Variants in AAMDC observed in about 807,000 individuals in gnomAD.
AAMDC encodes the protein mth938 domain-containing protein.
In AAMDC, 16 loss-of-function variants were observed where a neutral mutation model predicts 15.5. The ratio of observed to expected loss-of-function variants is 1.03; its 90% confidence interval spans 0.70 to 1.57. AAMDC has a LOEUF of 1.57. AAMDC is among the 40% of genes most tolerant of loss of function. The pLI, the probability that AAMDC is intolerant of heterozygous loss-of-function variation, is 0.00. For missense variants in AAMDC, 141 were observed against 144.9 expected (o/e 0.97, Z 0.14); for synonymous variants, 51 against 51.6 (o/e 0.99, Z 0.05).
intron 5 of AAMDC, among the ~76,000 whole-genome samples, chr11:77,894,841 T>C (rs866352956): frequency 3.0e-4 from 46 of 152,356 alleles, no homozygotes; most frequent in Middle Eastern, 6.8e-3. Context: ...CTGCACTCAA[T>C]GAAGCCTACA....
At chr11:77,895,642 GGAGT>G (rs1240674971) in intron 5 of AAMDC, among the ~76,000 whole-genome samples, 2 of 151,116 alleles carry the variant, frequency 1.3e-5, no homozygotes, top group Non-Finnish European at 2.9e-5. Context: ...AACACCACAA[GGAGT>G]GAGAGGGCTA....
chr11:77,834,441 G>GTTTTT lies in AAMDC; in HGVS notation c.-18-8021_-18-8017dup, dbSNP rs11438814. Among the ~76,000 whole-genome samples, 101 of 105,472 alleles carry GTTTTT rather than the reference G, an allele frequency of 9.6e-4. 1 individual carries two copies. Among genetic ancestry groups the GTTTTT allele is most frequent in the Non-Finnish European group, 1.2e-3 (63 of 53,882 alleles). 69.2% of individuals were successfully genotyped at this position (105,472 alleles called of 152,430 possible). A position where few individuals can be genotyped will look rare whatever the true frequency, so the allele number is the denominator to read the frequency against. On this transcript the variant is annotated intron_variant, in intron 1 of 3. Coordinates refer to ENST00000393427, the MANE Select transcript of AAMDC (RefSeq NM_024684.4). ...GAATTTCATGGAGAAAGTTGATTTTGTTTTTTTTTTTTTTTTTTTTTGAGA... is the reference window on the plus strand; with the variant it reads ...GAATTTCATGGAGAAAGTTGATTTTGTTTTTTTTTTTTTTTTTTTTTTTTTTGAGA...
intron 1 of AAMDC, among the ~76,000 whole-genome samples, chr11:77,830,987 C>CAA (rs59283485): frequency 0.018 from 1,833 of 100,378 alleles, 49 homozygotes; most frequent in African/African-American, 0.059. Context: ...CAAAATATAC[C>CAA]AAAAAAAAAA....
intron 2 of AAMDC, among the ~76,000 whole-genome samples, chr11:77,846,356 C>T (rs778646822): frequency 5.3e-5 from 8 of 152,140 alleles, no homozygotes; most frequent in Non-Finnish European, 7.4e-5. Context: ...TGGTGGCTCA[C>T]GCCTGTGATC....
At chr11:77,905,930 ATGT>A (rs1178358512) in intron 3 of AAMDC, among the ~76,000 whole-genome samples, 1 of 152,160 alleles carries the variant, frequency 6.6e-6, no homozygotes, top group African/African-American at 2.4e-5. Context: ...GCAAAAATGT[ATGT>A]TGTTATTGTC....
rs375246801 is a variant in AAMDC at position 77,881,098 on chromosome 11, CAAG to C, written c.328+4053_328+4055del. Among the ~76,000 whole-genome samples the C allele has an allele frequency of 6.8e-3, 1,036 of 152,178 alleles. 9 individuals are homozygous for C. The highest frequency in any genetic ancestry group is 0.023 in the African/African-American group (946 of 41,526). On this transcript the variant is annotated intron_variant, in intron 5 of 5. Coordinates refer to the AAMDC transcript ENST00000304716. ...GGAGTAAAGCGGAGAAGAGAGAAAA[CAAG>C]AAGGAGGGGAACTTGGGAGAAGGAG...
chr11:77,885,223 G>A (rs991946097), intron 5 of AAMDC, among the ~76,000 whole-genome samples: 4 of 151,972 alleles, frequency 2.6e-5, no homozygotes, highest in South Asian at 2.1e-4. Flanking sequence ...GATTACAGGC[G>A]CCCACCGTCA....
intron 1 of AAMDC, among the ~76,000 whole-genome samples, chr11:77,823,152 T>C (rs1339978898): frequency 2.0e-5 from 3 of 146,816 alleles, no homozygotes; most frequent in Non-Finnish European, 3.0e-5. Context: ...GAGGCGGAGC[T>C]TGCAGTGAGC....
At chr11:77,901,118 C>T (rs1300194903), downstream of AAMDC, among the ~76,000 whole-genome samples, 1 of 152,192 alleles carries the variant, frequency 6.6e-6, no homozygotes, top group Non-Finnish European at 1.5e-5. Flanking sequence ...TTAAGGAAAT[C>T]TATCAAGTAG....
intron 1 of AAMDC, among the ~76,000 whole-genome samples, chr11:77,837,653 C>T (rs1269398331): frequency 6.6e-6 from 1 of 152,112 alleles, no homozygotes; most frequent in East Asian, 1.9e-4. Context: ...CCAGGCTGGT[C>T]TTGAACTCCT....
At chr11:77,879,438 C>T (rs927881570) in intron 5 of AAMDC, among the ~76,000 whole-genome samples, 1 of 152,170 alleles carries the variant, frequency 6.6e-6, no homozygotes, top group Non-Finnish European at 1.5e-5. Context: ...AATTCTTATG[C>T]AGGTGTGGAT....
At chr11:77,875,280 A>T (rs1951564648), downstream of AAMDC, among the ~76,000 whole-genome samples, 1 of 152,226 alleles carries the variant, frequency 6.6e-6, no homozygotes, top group Non-Finnish European at 1.5e-5. Context: ...ACATTCTTAC[A>T]GTCCAGGTAC....
At chr11:77,900,414 T>C (rs1344629031) in intron 5 of AAMDC, among the ~76,000 whole-genome samples, 1 of 152,228 alleles carries the variant, frequency 6.6e-6, no homozygotes, top group Non-Finnish European at 1.5e-5. Flanking sequence ...TGAATATCTT[T>C]AAGATTAAAT....
At chr11:77,848,041 G>A (rs1443747949) in intron 2 of AAMDC, among the ~76,000 whole-genome samples, 1 of 152,158 alleles carries the variant, frequency 6.6e-6, no homozygotes. Context: ...CAACATAGGG[G>A]AGGGTAGTCT....
chr11:77,844,272 T>C (rs1170802422), intron 2 of AAMDC, among the ~76,000 whole-genome samples: 1 of 152,150 alleles, frequency 6.6e-6, no homozygotes, highest in Non-Finnish European at 1.5e-5. Context: ...CTAAATAACA[T>C]CACATTGGGA....
chr11:77,852,757 AT>A (rs531052993), intron 2 of AAMDC, among the ~76,000 whole-genome samples: 40 of 151,828 alleles, frequency 2.6e-4, no homozygotes, highest in Non-Finnish European at 2.2e-4. Flanking sequence ...TATATAAATA[AT>A]TTTTTTTCTT....
At chr11:77,901,443 C>T (rs71469586), downstream of AAMDC, 1 of 1,613,926 alleles carries the variant, frequency 6.2e-7, no homozygotes. Context: ...CGTGCTGTTA[C>T]TATAAGTTGC....
chr11:77,893,096 T>G (rs564773926), intron 5 of AAMDC, among the ~76,000 whole-genome samples: 2 of 152,300 alleles, frequency 1.3e-5, no homozygotes, highest in Non-Finnish European at 2.9e-5. Context: ...TGCTTTAAGA[T>G]CCTATGTCTT....
At chr11:77,883,915 G>A (rs1423699871) in intron 5 of AAMDC, 1 of 1,613,280 alleles carries the variant, frequency 6.2e-7, no homozygotes, top group East Asian at 2.2e-5. Flanking sequence ...TGCAGGCTTG[G>A]GGTGAATCAT....
Sources: gnomAD v4.1 joint callset for allele counts (sites outside exome capture counted in the v4.1 genomes callset) on GRCh38, gnomAD v4.1.1 for gene constraint, MANE v1.5 for transcripts, NCBI Gene and HGNC (gene_info 2026-07-23, HGNC 2026-07-21) for gene names.